Variants in PRKAR1B observed in about 807,000 individuals in gnomAD.
PRKAR1B encodes cAMP-dependent protein kinase type I-beta regulatory subunit.
PRKAR1B carries 22 observed loss-of-function variants against 46.5 expected under a neutral mutation model. The observed-to-expected ratio is 0.47, with a 90% CI of 0.34 to 0.68. The LOEUF (loss-of-function observed/expected upper bound fraction) is 0.68, where lower values mean the gene tolerates loss of function less well. Among genes scored for constraint, PRKAR1B ranks in the 30% least tolerant of loss-of-function variants. The probability of loss-of-function intolerance (pLI) is 0.01; values close to 1 mark genes in which losing one functional copy is unlikely to be tolerated. For synonymous variants in PRKAR1B, 259 were observed against 217.7 expected, an observed-to-expected ratio of 1.19 and a Z score of -1.67; for missense variants, 445 against 535.6, an observed-to-expected ratio of 0.83 and a Z score of 1.67.
intron 8 of PRKAR1B, among the ~76,000 whole-genome samples, chr7:580,471 T>A (rs1471874445): frequency 1.3e-5 from 2 of 152,110 alleles, no homozygotes; most frequent in African/African-American, 4.8e-5. Context: ...AGAAACACTG[T>A]TCATCAGGGG....
At chr7:719,846 G>A (rs1459612963) in intron 1 of PRKAR1B, among the ~76,000 whole-genome samples, 1 of 152,118 alleles carries the variant, frequency 6.6e-6, no homozygotes, top group African/African-American at 2.4e-5. Context: ...TTACTTTATG[G>A]ATGTCATACA....
chr7:720,002 A>T (rs1200087441), intron 1 of PRKAR1B, among the ~76,000 whole-genome samples: 1 of 145,458 alleles, frequency 6.9e-6, no homozygotes, highest in Non-Finnish European at 1.5e-5. Context: ...TCTGCTGTTG[A>T]TGGTAAGTGT....
chr7:670,455 G>A (rs998397677), intron 4 of PRKAR1B, among the ~76,000 whole-genome samples: 2 of 152,266 alleles, frequency 1.3e-5, no homozygotes, highest in African/African-American at 2.4e-5. Context: ...AGAGCTAGGC[G>A]GCCTGGGCCT....
intron 4 of PRKAR1B, among the ~76,000 whole-genome samples, chr7:675,225 C>T (rs1007453020): frequency 2.0e-5 from 3 of 152,334 alleles, no homozygotes; most frequent in Middle Eastern, 3.4e-3. Context: ...ACAATTAGAT[C>T]TGTACTTATA....
rs543197514 is a variant in PRKAR1B at position 595,483 on chromosome 7, G to C, written c.708+663C>G. Among the ~76,000 whole-genome samples the C allele has an allele frequency of 2.0e-5, 3 of 152,294 alleles. No individual in the cohort carries two copies. The South Asian group carries it at 6.2e-4, about 32-fold the overall frequency. On this transcript the variant is annotated intron_variant, in intron 7 of 10. Transcript: ENST00000537384. ...CCCCACAGACCTGCACCCAGAACAG[G>C]GCCTGGCAGGTGGGGTGTGTGCGGG...
chr7:704,698 G>A (rs1457606997), intron 2 of PRKAR1B, among the ~76,000 whole-genome samples: 1 of 152,068 alleles, frequency 6.6e-6, no homozygotes, highest in African/African-American at 2.4e-5. Flanking sequence ...GAACCCAGGA[G>A]GGGCGGGTTG....
At chr7:676,691 A>C (rs772761321) in intron 4 of PRKAR1B, among the ~76,000 whole-genome samples, 4 of 152,212 alleles carry the variant, frequency 2.6e-5, no homozygotes, top group Non-Finnish European at 5.9e-5. Flanking sequence ...ACGTTTCCTG[A>C]GAGCTGTGAC....
At chr7:721,522 C>A (rs1177089550) in intron 1 of PRKAR1B, among the ~76,000 whole-genome samples, 1 of 152,164 alleles carries the variant, frequency 6.6e-6, no homozygotes, top group Non-Finnish European at 1.5e-5. Flanking sequence ...GTGGCACATG[C>A]CTGTAATCCC....
At chr7:589,607 G>A (rs1328240052) in intron 7 of PRKAR1B, among the ~76,000 whole-genome samples, 1 of 152,192 alleles carries the variant, frequency 6.6e-6, no homozygotes, top group African/African-American at 2.4e-5. Context: ...TGCCCACCGA[G>A]CTGCTAAGTG....
chr7:697,007 CCT>C (rs1779776509), intron 2 of PRKAR1B: 1 of 152,336 alleles, frequency 6.6e-6, no homozygotes, highest in East Asian at 1.9e-4. Flanking sequence ...CTTCCTGTCT[CCT>C]GTTTTCATAC....
chr7:586,600 G>A (rs755174831), intron 7 of PRKAR1B, among the ~76,000 whole-genome samples: 3 of 152,196 alleles, frequency 2.0e-5, no homozygotes, highest in South Asian at 2.1e-4. Flanking sequence ...GGCCAGAGCC[G>A]AGCAGCTGCT....
chr7:582,721 T>C (rs1262541172), intron 8 of PRKAR1B, among the ~76,000 whole-genome samples: 1 of 152,112 alleles, frequency 6.6e-6, no homozygotes, highest in African/African-American at 2.4e-5. Context: ...TCGACAGCGC[T>C]GGTGAATGAA....
intron 1 of PRKAR1B, among the ~76,000 whole-genome samples, chr7:722,410 T>C (rs911834026): frequency 7.3e-5 from 11 of 151,366 alleles, no homozygotes; most frequent in African/African-American, 2.7e-4. Flanking sequence ...CTAATTTTTC[T>C]ATTTTTAGTA....
At chr7:553,597 C>G (rs28575227) in intron 9 of PRKAR1B, among the ~76,000 whole-genome samples, 34,828 of 152,230 alleles carry the variant, frequency 0.23, 4,102 homozygotes, top group Non-Finnish European at 0.25. Flanking sequence ...GACGGCGGCC[C>G]TCTGAGAGCA....
rs535554312 is a variant in PRKAR1B at position 644,827 on chromosome 7, G to A, written c.440+32402C>T. 2.6e-5 allele frequency among the ~76,000 whole-genome samples: 4 copies of A among 152,272 alleles called. No individual in the cohort carries two copies. Among genetic ancestry groups the A allele is most frequent in the East Asian group, 1.9e-4 (1 of 5,174 alleles). ...AAGCGGGCCCCAAAGAGGCTGGACC[G>A]GGCAGTGCCGTCGGCCAAAGGGTCC... On this transcript the variant is annotated intron_variant, in intron 4 of 10. Transcript: ENST00000537384. This position sits in a 1 kb window ranked among gnomAD's most constrained non-coding sequence, Gnocchi z 4.9.
rs556180773 is a variant in PRKAR1B at position 582,017 on chromosome 7, CTAA to C, written c.769+2488_769+2490del. ...TGCAGGCATGTACCATCATGTCCAG[CTAA>C]TTTTTTATTTTGCACAGATGGGATC... On this transcript the variant is annotated intron_variant, in intron 8 of 10. Coordinates refer to ENST00000537384, the MANE Select transcript of PRKAR1B (RefSeq NM_001164760.2). Among the ~76,000 whole-genome samples the C allele has an allele frequency of 2.5e-4, 38 of 152,362 alleles. No homozygotes were observed. The South Asian group carries it at 7.9e-3, about 32-fold the overall frequency.
chr7:692,631 T>A (rs1008204380), intron 2 of PRKAR1B, among the ~76,000 whole-genome samples: 1 of 152,198 alleles, frequency 6.6e-6, no homozygotes, highest in Non-Finnish European at 1.5e-5. Flanking sequence ...AAATTGTTTA[T>A]ATCAACACTG....
intron 4 of PRKAR1B, among the ~76,000 whole-genome samples, chr7:645,735 C>A (rs1305550204): frequency 3.9e-5 from 6 of 152,116 alleles, no homozygotes; most frequent in Non-Finnish European, 8.8e-5. Context: ...GGGGAGAGGC[C>A]TGGGGCTCCC....
intron 4 of PRKAR1B, among the ~76,000 whole-genome samples, chr7:660,913 C>T (rs1785504108): frequency 7.5e-5 from 10 of 134,002 alleles, no homozygotes; most frequent in South Asian, 2.6e-4. Flanking sequence ...CTACTCTCCC[C>T]CCATGGCACA....
Sources: gnomAD v4.1 joint callset for allele counts (sites outside exome capture counted in the v4.1 genomes callset) on GRCh38, gnomAD v4.1.1 for gene constraint, Gnocchi (gnomAD v3.1) non-coding constraint, MANE v1.5 for transcripts, NCBI Gene and HGNC (gene_info 2026-07-23, HGNC 2026-07-21) for gene names.